The following UBLCP1 variants were observed in gnomAD, a reference collection of about 807,000 sequenced individuals.
UBLCP1 encodes ubiquitin like domain containing CTD phosphatase 1.
UBLCP1 carries 28 observed loss-of-function variants against 42.4 expected under a neutral mutation model. That is an observed-to-expected ratio of 0.66 (90% CI 0.49 to 0.90). The LOEUF is 0.90. UBLCP1 is among the 40% of genes least tolerant of loss of function. UBLCP1 has a pLI of 0.00. For synonymous variants in UBLCP1, 122 were observed against 120.8 expected (o/e 1.01, Z -0.07); for missense variants, 279 against 374.5 (o/e 0.75, Z 2.10).
At chr5:159,273,682 T>C (rs10062339) in intron 6 of UBLCP1, among the ~76,000 whole-genome samples, 241 of 152,286 alleles carry the variant, frequency 1.6e-3, no homozygotes, top group African/African-American at 5.2e-3. Context: ...TTCTATCTTA[T>C]GATTATTTTC....
intron 9 of UBLCP1, among the ~76,000 whole-genome samples, chr5:159,280,000 T>C (rs1173193837): frequency 6.6e-6 from 1 of 152,220 alleles, no homozygotes; most frequent in Non-Finnish European, 1.5e-5. Flanking sequence ...CATTCATCTC[T>C]TGATGCAGGG....
intron 7 of UBLCP1, among the ~76,000 whole-genome samples, 190 bp downstream of exon 7, chr5:159,274,812 T>A (rs1432868989): frequency 6.6e-6 from 1 of 152,178 alleles, no homozygotes; most frequent in African/African-American, 2.4e-5. Context: ...TAAGTCTTTT[T>A]TAAGAAAAAG....
chr5:159,280,005 G>T (rs1396895492), intron 9 of UBLCP1, among the ~76,000 whole-genome samples: 2 of 152,120 alleles, frequency 1.3e-5, no homozygotes, highest in African/African-American at 4.8e-5. Flanking sequence ...ATCTCTTGAT[G>T]CAGGGAGAGA....
At chr5:159,284,374 TAAAC>T (rs1465472733) in intron 10 of UBLCP1, among the ~76,000 whole-genome samples, 1 of 152,218 alleles carries the variant, frequency 6.6e-6, no homozygotes, top group Non-Finnish European at 1.5e-5. Context: ...AGATTTCTAT[TAAAC>T]AATATGAAAA....
chr5:159,270,302 C>A, intron 3 of UBLCP1, 58 bp from the exon 4 acceptor site: 1 of 1,312,000 alleles, frequency 7.6e-7, no homozygotes. Context: ...TTATGCTATG[C>A]ATGTATTTGT....
intron 1 of UBLCP1, among the ~76,000 whole-genome samples, chr5:159,265,526 A>G: frequency 6.6e-6 from 1 of 152,132 alleles, no homozygotes. Context: ...TCTGATTGAT[A>G]TGGTTTGGCT....
In UBLCP1 at chr5:159,283,459, C is replaced by G. The variant is rs575124336; in HGVS notation, c.929+120C>G. On this transcript the variant is annotated intron_variant, in intron 10 of 10. Coordinates refer to ENST00000296786, the MANE Select transcript of UBLCP1 (RefSeq NM_145049.5). ...AATTTTTATTTAAAATAGGTGACTT[C>G]TAAAAACATTTTCTAATCCAGTGAC... is the stretch of plus-strand genomic sequence containing the variant. 3 of 863,128 alleles carry G rather than the reference C, an allele frequency of 3.5e-6. No individual in the cohort carries two copies. In the African/African-American group the frequency reaches 5.3e-5, roughly 15 times the overall value. The allele number at this position is 863,128 out of a possible 1,614,324, so 53.5% of individuals were successfully genotyped here. A position where few individuals can be genotyped will look rare whatever the true frequency, so the allele number is the denominator to read the frequency against.
At chr5:159,269,109 T>C in intron 2 of UBLCP1, 40 bp downstream of exon 2, 5 of 1,413,794 alleles carry the variant, frequency 3.5e-6, no homozygotes, top group Non-Finnish European at 4.7e-6. Context: ...CATTGAATTT[T>C]TAGTATTATG....
rs1157363882 is a variant in UBLCP1, at chr5:159,285,751, C to T, written c.*820C>T. On this transcript the variant is annotated 3_prime_UTR_variant, in exon 11 of 11. Transcript: ENST00000296786. ...TTTTAAAAGGGACATATCACTGATT[C>T]ATTCCTAAAAAGCATGAACAAAAAG... is the stretch of plus-strand genomic sequence containing the variant. 1 of 152,650 alleles carries T rather than the reference C, an allele frequency of 6.6e-6. No homozygotes were observed. Among genetic ancestry groups the T allele is most frequent in the Non-Finnish European group, 1.5e-5 (1 of 68,022 alleles). 9.5% of individuals were successfully genotyped at this position (152,650 alleles called of 1,614,324 possible).
At position 159,285,833 on chromosome 5, in the gene UBLCP1, T is replaced by TA. The variant is rs1234112485; in HGVS notation, c.*903dup. Reference sequence around the variant, plus strand: ...AGTGCTAACACTGTTTCAGTGAAAATATCTAGCCATAAGATTAAAAAAATA... The same window carrying TA: ...AGTGCTAACACTGTTTCAGTGAAAATAATCTAGCCATAAGATTAAAAAAATA... On this transcript the variant is annotated 3_prime_UTR_variant, in exon 11 of 11. Coordinates refer to ENST00000296786, the MANE Select transcript of UBLCP1 (RefSeq NM_145049.5). 1 of 152,728 alleles carries TA rather than the reference T, an allele frequency of 6.5e-6. No individual in the cohort carries two copies. The highest frequency in any genetic ancestry group is 1.5e-5 in the Non-Finnish European group (1 of 68,006). The allele number at this position is 152,728 out of a possible 1,614,324, so 9.5% of individuals were successfully genotyped here. A position where few individuals can be genotyped will look rare whatever the true frequency, so the allele number is the denominator to read the frequency against.
At chr5:159,270,294 A>G (rs1753448051) in intron 3 of UBLCP1, 66 bp from the exon 4 acceptor site, 1 of 1,261,552 alleles carries the variant, frequency 7.9e-7, no homozygotes, top group South Asian at 1.3e-5. Flanking sequence ...TTTTATTTTT[A>G]TGCTATGCAT....
chr5:159,270,689 CTCTTTTTT>C, intron 5 of UBLCP1, 46 bp downstream of exon 5: 1 of 1,205,406 alleles, frequency 8.3e-7, no homozygotes, highest in Non-Finnish European at 1.1e-6. Flanking sequence ...CCCACAACAA[CTCTTTTTT>C]TCTTTTCTTT....
At chr5:159,268,634 A>T (rs1459326730) in intron 1 of UBLCP1, among the ~76,000 whole-genome samples, 1 of 152,218 alleles carries the variant, frequency 6.6e-6, no homozygotes, top group Non-Finnish European at 1.5e-5. Flanking sequence ...TTCCAGTTGA[A>T]CAGTGAGACT....
intron 9 of UBLCP1, among the ~76,000 whole-genome samples, chr5:159,281,861 CAA>C (rs5872593): frequency 9.1e-4 from 129 of 142,192 alleles, no homozygotes; most frequent in East Asian, 2.8e-3. Flanking sequence ...AACTAATGAC[CAA>C]AAAAAAAAAA....
At chr5:159,275,018 T>A in intron 7 of UBLCP1, 130 bp from the exon 8 acceptor site, 1 of 733,156 alleles carries the variant, frequency 1.4e-6, no homozygotes, top group South Asian at 1.6e-5. Flanking sequence ...TACTTCCTAG[T>A]TGTTTAGCAA....
chr5:159,284,795 C>A, intron 10 of UBLCP1, 109 bp from the exon 11 acceptor site: 8 of 1,082,670 alleles, frequency 7.4e-6, no homozygotes, highest in East Asian at 2.4e-5. Flanking sequence ...TAAGAATACT[C>A]ATCTTGAAAT....
intron 2 of UBLCP1, 75 bp from the exon 3 acceptor site, chr5:159,269,833 A>T: frequency 1.7e-6 from 2 of 1,176,654 alleles, no homozygotes; most frequent in Non-Finnish European, 2.5e-6. Context: ...TTTTAATGTT[A>T]GGGTTTTATA....
chr5:159,267,411 G>T (rs1753412804), intron 1 of UBLCP1, among the ~76,000 whole-genome samples: 2 of 152,166 alleles, frequency 1.3e-5, no homozygotes, highest in South Asian at 4.1e-4. Flanking sequence ...ATTATACCTA[G>T]GAAGTAAATA....
At chr5:159,265,734 C>T (rs1475385552) in intron 1 of UBLCP1, among the ~76,000 whole-genome samples, 1 of 152,156 alleles carries the variant, frequency 6.6e-6, no homozygotes, top group African/African-American at 2.4e-5. Flanking sequence ...TCTCTCTTGC[C>T]ACTGCCATGT....
Sources: gnomAD v4.1 joint callset for allele counts (sites outside exome capture counted in the v4.1 genomes callset) on GRCh38, gnomAD v4.1.1 for gene constraint, MANE v1.5 for transcripts, NCBI Gene and HGNC (gene_info 2026-07-23, HGNC 2026-07-21) for gene names.